The following RALYL variants were observed in gnomAD, a reference collection of about 807,000 sequenced individuals.
The protein encoded by RALYL is RNA-binding Raly-like protein.
RALYL carries 29 observed loss-of-function variants against 35.1 expected under a neutral mutation model. The ratio of observed to expected loss-of-function variants is 0.83; its 90% CI spans 0.61 to 1.13. The LOEUF is 1.13. Among genes scored for constraint, RALYL ranks in the 50% most tolerant of loss-of-function variants. RALYL has a pLI of 0.00. For synonymous variants in RALYL, 120 were observed against 127.6 expected (o/e 0.94, Z 0.40); for missense variants, 359 against 360.4 (o/e 1.00, Z 0.03).
At chr8:84,253,703 C>T (rs1256494675) in intron 1 of RALYL, among the ~76,000 whole-genome samples, 1 of 152,064 alleles carries the variant, frequency 6.6e-6, no homozygotes, top group Non-Finnish European at 1.5e-5. Context: ...CTTGTTTTTG[C>T]ATAGGTATAG....
intron 2 of RALYL, among the ~76,000 whole-genome samples, chr8:84,591,422 G>C (rs991850565): frequency 6.6e-5 from 10 of 152,220 alleles, no homozygotes; most frequent in South Asian, 2.1e-4. Context: ...AGATCTCAGG[G>C]GTAAGATGCA....
At chr8:84,653,400 T>A (rs1397240729) in intron 2 of RALYL, among the ~76,000 whole-genome samples, 2 of 152,010 alleles carry the variant, frequency 1.3e-5, no homozygotes, top group Non-Finnish European at 2.9e-5. Context: ...ACACACATTC[T>A]GGACCTCACC....
At chr8:84,497,469 G>T (rs1296647746) in intron 1 of RALYL, among the ~76,000 whole-genome samples, 15 of 152,042 alleles carry the variant, frequency 9.9e-5, no homozygotes, top group Non-Finnish European at 1.5e-5. Flanking sequence ...AAAGAATACA[G>T]CTTGGGTAGA....
intron 1 of RALYL, among the ~76,000 whole-genome samples, chr8:84,289,776 A>AT (rs549784177): frequency 1.3e-5 from 2 of 151,952 alleles, no homozygotes; most frequent in Non-Finnish European, 2.9e-5. Context: ...AGTTTTCTAC[A>AT]TTTTTTTATA....
intron 1 of RALYL, among the ~76,000 whole-genome samples, chr8:84,235,946 T>C (rs894523232): frequency 6.6e-6 from 1 of 151,906 alleles, no homozygotes. Flanking sequence ...TTTGTATTTT[T>C]AGTAGAGACA....
At chr8:84,423,745 G>A (rs1249500845) in intron 1 of RALYL, among the ~76,000 whole-genome samples, 1 of 151,506 alleles carries the variant, frequency 6.6e-6, no homozygotes, top group Non-Finnish European at 1.5e-5. Flanking sequence ...GGCAGGCCTG[G>A]TGGTGACAAA....
In RALYL at chr8:84,354,859, C is replaced by T. The variant is rs141325912; in HGVS notation, c.-24+170435C>T. Among the ~76,000 whole-genome samples, 193 of 149,990 alleles carry T rather than the reference C, an allele frequency of 1.3e-3. 7 individuals carry two copies. Among genetic ancestry groups the T allele is most frequent in the Non-Finnish European group, 2.2e-3 (149 of 67,610 alleles). Reference sequence around the variant, plus strand: ...TTGGTTAATGGTTCTTTAGAAAAGCCGCACAATTAGGACCTCACAAAATAG... The same window carrying T: ...TTGGTTAATGGTTCTTTAGAAAAGCTGCACAATTAGGACCTCACAAAATAG... On this transcript the variant is annotated intron_variant, in intron 1 of 8. Coordinates refer to ENST00000521268, the MANE Select transcript of RALYL (RefSeq NM_173848.7).
chr8:84,857,929 TTAAAA>T (rs1258712158), intron 5 of RALYL, among the ~76,000 whole-genome samples: 2 of 152,112 alleles, frequency 1.3e-5, no homozygotes, highest in African/African-American at 4.8e-5. Flanking sequence ...AAAAAGACAC[TTAAAA>T]TAATGTTTGC....
intron 1 of RALYL, among the ~76,000 whole-genome samples, chr8:84,286,163 C>T (rs1033131996): frequency 4.6e-5 from 7 of 151,880 alleles, no homozygotes; most frequent in Non-Finnish European, 8.8e-5. Context: ...TTTGAGACCT[C>T]GTGATCTGCC....
chr8:84,618,585 C>G (rs574232629), intron 2 of RALYL, among the ~76,000 whole-genome samples: 6,781 of 105,656 alleles, frequency 0.064, 615 homozygotes, highest in African/African-American at 0.21. Context: ...TTTTGTGTCT[C>G]TATTTCCTTC....
intron 2 of RALYL, among the ~76,000 whole-genome samples, chr8:84,553,997 A>G (rs554373173): frequency 6.6e-6 from 1 of 152,336 alleles, no homozygotes; most frequent in South Asian, 2.1e-4. Context: ...AATGCCTTGA[A>G]AACAAAGAAT....
intron 1 of RALYL, among the ~76,000 whole-genome samples, chr8:84,263,225 T>C (rs1421041815): frequency 1.3e-5 from 2 of 152,208 alleles, no homozygotes; most frequent in African/African-American, 4.8e-5. Flanking sequence ...TCTTTGATAC[T>C]AAAATGCCTG....
chr8:84,903,816 G>A (rs1245409846), intron 8 of RALYL, among the ~76,000 whole-genome samples: 1 of 151,992 alleles, frequency 6.6e-6, no homozygotes, highest in Non-Finnish European at 1.5e-5. Context: ...AATTCCAAAG[G>A]GCAAAAGCTA....
chr8:84,233,946 A>G (rs1210892451), intron 1 of RALYL, among the ~76,000 whole-genome samples: 1 of 152,100 alleles, frequency 6.6e-6, no homozygotes, highest in Non-Finnish European at 1.5e-5. Flanking sequence ...TAGATGGCCA[A>G]CTATTGTTCT....
intron 1 of RALYL, among the ~76,000 whole-genome samples, chr8:84,518,341 G>A (rs2058214799): frequency 6.6e-6 from 1 of 152,106 alleles, no homozygotes; most frequent in Admixed American, 6.6e-5. Context: ...ATAGCTAAGG[G>A]GAAGGGAGAA....
chr8:84,235,775 T>TTC (rs1826402647), intron 1 of RALYL, among the ~76,000 whole-genome samples: 1 of 148,412 alleles, frequency 6.7e-6, no homozygotes, highest in South Asian at 2.1e-4. Context: ...TTCTTTTTTT[T>TTC]TTTTTTTTTT....
intron 2 of RALYL, among the ~76,000 whole-genome samples, chr8:84,627,834 C>T (rs1359551826): frequency 1.3e-5 from 2 of 151,892 alleles, no homozygotes; most frequent in East Asian, 1.9e-4. Flanking sequence ...TTCTTTAATG[C>T]CCATATTTAA....
intron 2 of RALYL, among the ~76,000 whole-genome samples, chr8:84,674,113 A>C (rs1383296158): frequency 2.6e-5 from 4 of 151,984 alleles, no homozygotes; most frequent in African/African-American, 9.7e-5. Flanking sequence ...TGTATTCCTA[A>C]GTATTTTATC....
At chr8:84,538,886 A>C (rs765030902) in intron 2 of RALYL, among the ~76,000 whole-genome samples, 13 of 152,212 alleles carry the variant, frequency 8.5e-5, no homozygotes, top group Non-Finnish European at 1.6e-4. Context: ...TTTAAATAAA[A>C]AGTATTATAA....
Sources: gnomAD v4.1 joint callset for allele counts (sites outside exome capture counted in the v4.1 genomes callset) on GRCh38, gnomAD v4.1.1 for gene constraint, MANE v1.5 for transcripts, NCBI Gene and HGNC (gene_info 2026-07-23, HGNC 2026-07-21) for gene names.